The following AFF3 variants were observed in gnomAD, a reference collection of about 807,000 sequenced individuals.
The protein encoded by AFF3 is ALF transcription elongation factor 3, also known as AF4/FMR2 family member 3.
AFF3 carries 32 observed loss-of-function variants against 129.7 expected under a neutral mutation model. The observed-to-expected ratio is 0.25, with a 90% CI of 0.19 to 0.33. The LOEUF is 0.33. AFF3 is among the 10% of genes least tolerant of loss of function. The pLI is 1.00. For synonymous variants in AFF3, 644 were observed against 635.4 expected (o/e 1.01, Z -0.20); for missense variants, 1,373 against 1,592.0 (o/e 0.86, Z 2.34).
intron 11 of AFF3, among the ~76,000 whole-genome samples, chr2:99,689,873 G>A (rs1675433910): frequency 1.3e-5 from 2 of 151,618 alleles, no homozygotes; most frequent in Admixed American, 1.3e-4. Context: ...GATCACCTGA[G>A]GTCAGGAGTT....
chr2:100,024,422 G>GTC (rs1433647147), intron 4 of AFF3, among the ~76,000 whole-genome samples: 1 of 149,200 alleles, frequency 6.7e-6, no homozygotes, highest in African/African-American at 2.5e-5. Context: ...GACCAACATG[G>GTC]AGAAACCCCG....
intron 11 of AFF3, among the ~76,000 whole-genome samples, chr2:99,681,944 T>C (rs554048240): frequency 6.7e-6 from 1 of 149,348 alleles, no homozygotes; most frequent in African/African-American, 2.5e-5. Flanking sequence ...TCTCGTTCTG[T>C]CATCCAGGCT....
At chr2:99,968,846 C>G (rs1163073166) in intron 7 of AFF3, among the ~76,000 whole-genome samples, 1 of 152,230 alleles carries the variant, frequency 6.6e-6, no homozygotes, top group African/African-American at 2.4e-5. Flanking sequence ...CTCTACCTCT[C>G]TTTGCTCCCC....
At chr2:99,647,999 G>A (rs911447145) in intron 13 of AFF3, among the ~76,000 whole-genome samples, 5 of 152,156 alleles carry the variant, frequency 3.3e-5, no homozygotes, top group African/African-American at 1.2e-4. Context: ...ATCTTCGAAT[G>A]TATCAGTCCT....
intron 7 of AFF3, among the ~76,000 whole-genome samples, chr2:99,865,980 C>CTAGG (rs1440514501): frequency 6.6e-6 from 1 of 152,210 alleles, no homozygotes; most frequent in Non-Finnish European, 1.5e-5. Context: ...AGCCATTGTG[C>CTAGG]TAGGCAGCCC....
At chr2:99,567,926 T>G (rs562162898) in intron 19 of AFF3, among the ~76,000 whole-genome samples, 2 of 152,334 alleles carry the variant, frequency 1.3e-5, no homozygotes, top group South Asian at 4.1e-4. Context: ...ACCAGAACTG[T>G]CCATCAGACT....
In AFF3 at chr2:99,832,455, T is replaced by C. The variant is rs186988222; in HGVS notation, c.921+5022A>G. Among the ~76,000 whole-genome samples, 271 of 152,250 alleles carry C rather than the reference T, an allele frequency of 1.8e-3. 2 individuals are homozygous for C. The highest frequency in any genetic ancestry group is 5.5e-3 in the African/African-American group (228 of 41,548). On this transcript the variant is annotated intron_variant, in intron 8 of 24. Coordinates refer to ENST00000672756, the MANE Select transcript of AFF3 (RefSeq NM_001386135.1). ...GAACACCTCCAGAGTCACTGCCAAG[T>C]CCACAGATTGTAGTCACAGGGCCCT...
chr2:100,124,163 C>T (rs943424326), intron 2 of AFF3, among the ~76,000 whole-genome samples: 3 of 152,068 alleles, frequency 2.0e-5, no homozygotes, highest in Admixed American at 1.3e-4. Flanking sequence ...ACAAAGGAAT[C>T]GAAAACTATG....
At chr2:99,674,296 G>C (rs990616975) in intron 11 of AFF3, among the ~76,000 whole-genome samples, 1 of 152,196 alleles carries the variant, frequency 6.6e-6, no homozygotes, top group African/African-American at 2.4e-5. Context: ...AAAGAGAAGA[G>C]ACCTCTTGGT....
chr2:99,633,175 A>C (rs1683287909), intron 13 of AFF3, among the ~76,000 whole-genome samples: 2 of 152,118 alleles, frequency 1.3e-5, no homozygotes, highest in African/African-American at 4.8e-5. Context: ...GACAGATGGG[A>C]AAAAAGACTC....
chr2:99,632,774 T>G (rs115229737), intron 13 of AFF3, among the ~76,000 whole-genome samples: 1 of 152,230 alleles, frequency 6.6e-6, no homozygotes, highest in African/African-American at 2.4e-5. Flanking sequence ...AACAGGATTT[T>G]AAATTAGTTG....
intron 12 of AFF3, among the ~76,000 whole-genome samples, chr2:99,670,968 T>C (rs1448377429): frequency 6.6e-6 from 1 of 152,202 alleles, no homozygotes; most frequent in Non-Finnish European, 1.5e-5. Context: ...TAAAAGCTCT[T>C]ACTGCCTTAG....
At chr2:100,067,180 T>TAAA (rs35574768) in intron 4 of AFF3, among the ~76,000 whole-genome samples, 3 of 134,312 alleles carry the variant, frequency 2.2e-5, no homozygotes, top group South Asian at 4.8e-4. Flanking sequence ...TCCACATAGT[T>TAAA]AAAAAAAAAA....
intron 11 of AFF3, among the ~76,000 whole-genome samples, chr2:99,687,120 T>A (rs1170905931): frequency 6.6e-6 from 1 of 152,182 alleles, no homozygotes; most frequent in Non-Finnish European, 1.5e-5. Flanking sequence ...CTGAGTGCAA[T>A]GAGTATGTAA....
chr2:99,737,629 A>G (rs2105085281), intron 10 of AFF3, among the ~76,000 whole-genome samples: 1 of 151,174 alleles, frequency 6.6e-6, no homozygotes, highest in South Asian at 2.1e-4. Context: ...TAATGTGTGT[A>G]GTGTGGACTT....
intron 11 of AFF3, among the ~76,000 whole-genome samples, chr2:99,698,034 T>C (rs146396297): frequency 1.1e-3 from 161 of 152,282 alleles, no homozygotes; most frequent in African/African-American, 3.7e-3. Context: ...AAAATATAAT[T>C]CCAAGTGTGT....
chr2:99,898,604 T>C (rs1264658159), intron 7 of AFF3, among the ~76,000 whole-genome samples: 1 of 152,186 alleles, frequency 6.6e-6, no homozygotes. Context: ...CATCACAGTC[T>C]TGTCCACAGT....
At chr2:100,047,365 C>A (rs967347684) in intron 4 of AFF3, among the ~76,000 whole-genome samples, 1 of 152,192 alleles carries the variant, frequency 6.6e-6, no homozygotes, top group Non-Finnish European at 1.5e-5. Flanking sequence ...ATAGTGGTGA[C>A]AGAAGGTGAA....
intron 4 of AFF3, among the ~76,000 whole-genome samples, chr2:100,077,990 C>T (rs1408196669): frequency 6.6e-6 from 1 of 152,196 alleles, no homozygotes; most frequent in Non-Finnish European, 1.5e-5. Flanking sequence ...CTAGTATTGT[C>T]GACAACTCAC....
Sources: allele counts gnomAD v4.1 joint callset (sites outside exome capture counted in the v4.1 genomes callset), GRCh38; gene constraint gnomAD v4.1.1; transcripts MANE v1.5; gene names NCBI Gene and HGNC (gene_info 2026-07-23, HGNC 2026-07-21).